The following SPON1 variants were observed in gnomAD, a reference collection of about 807,000 sequenced individuals.
The protein encoded by SPON1 is spondin 1, also known as spondin-1.
Under a neutral mutation model 111.7 loss-of-function variants are expected in SPON1, and 52 were observed. That is an observed-to-expected ratio of 0.47 (90% CI 0.37 to 0.59). The LOEUF is 0.59. SPON1 is among the 20% of genes least tolerant of loss of function. The pLI is 0.00. For synonymous variants in SPON1, 410 were observed against 395.8 expected (o/e 1.04, Z -0.43); for missense variants, 957 against 1,068.5 (o/e 0.90, Z 1.46).
chr11:14,230,192 A>T (rs1848783221), intron 6 of SPON1, among the ~76,000 whole-genome samples: 1 of 152,222 alleles, frequency 6.6e-6, no homozygotes, highest in Non-Finnish European at 1.5e-5. Flanking sequence ...TCCTTATTTG[A>T]TACTAATGTG....
At chr11:14,149,028 A>G (rs1392681773) in intron 6 of SPON1, among the ~76,000 whole-genome samples, 2 of 152,204 alleles carry the variant, frequency 1.3e-5, no homozygotes, top group Non-Finnish European at 2.9e-5. Flanking sequence ...ATTGCCTAGT[A>G]TTCACTATAC....
Position 14,176,157 on chromosome 11 carries a change from C to T in SPON1, c.825+40589C>T, listed in dbSNP as rs116007221. Among the ~76,000 whole-genome samples the T allele has an allele frequency of 3.2e-3, 480 of 152,100 alleles. 2 individuals are homozygous for T. The highest frequency in any genetic ancestry group is 0.01 in the African/African-American group (432 of 41,484). On this transcript the variant is annotated intron_variant, in intron 6 of 15. Coordinates refer to ENST00000576479, the MANE Select transcript of SPON1 (RefSeq NM_006108.4). The stretch of plus-strand genomic sequence containing the variant: ...TTAGGGTTCATTGAATGTGACCAGA[C>T]GAATAAGGAGGGTTCTCTGAGTTAG...
intron 2 of SPON1, among the ~76,000 whole-genome samples, chr11:14,012,908 T>C (rs1354091709): frequency 6.6e-6 from 1 of 152,188 alleles, no homozygotes; most frequent in Non-Finnish European, 1.5e-5. Context: ...TTTTCCTTCA[T>C]TATTAAATAT....
Position 14,229,950 on chromosome 11 carries a change from CCGT to C in SPON1, c.826-13381_826-13379del, listed in dbSNP as rs1848779353. On this transcript the variant is annotated intron_variant, in intron 6 of 15. Coordinates refer to ENST00000576479, the MANE Select transcript of SPON1 (RefSeq NM_006108.4). ...TGTGTCTGTCTGTCTGTCTGTGTGT[CCGT>C]GTGTGTGTGTGTGTGTGTGTGTGTG... 1.5e-4 allele frequency among the ~76,000 whole-genome samples: 14 copies of C among 94,506 alleles called. No homozygotes were observed. The Admixed American group carries it at 1.5e-3, about 10-fold the overall frequency. The allele number at this position is 94,506 out of a possible 152,430, so 62.0% of individuals were successfully genotyped here.
intron 5 of SPON1, among the ~76,000 whole-genome samples, chr11:14,080,632 C>T (rs1429503884): frequency 6.6e-6 from 1 of 152,178 alleles, no homozygotes; most frequent in African/African-American, 2.4e-5. Context: ...CTGCAATGAC[C>T]CTGTCCATGA....
chr11:14,240,073 T>C (rs1848909064), intron 6 of SPON1, among the ~76,000 whole-genome samples: 1 of 152,204 alleles, frequency 6.6e-6, no homozygotes. Flanking sequence ...GCATCATTTA[T>C]GAAAACAACT....
intron 6 of SPON1, among the ~76,000 whole-genome samples, chr11:14,164,498 G>C (rs1848004359): frequency 6.6e-6 from 1 of 152,146 alleles, no homozygotes; most frequent in Non-Finnish European, 1.5e-5. Context: ...CTTCTGGACT[G>C]TCCACCTACA....
intron 3 of SPON1, among the ~76,000 whole-genome samples, chr11:14,052,431 C>A (rs1016779778): frequency 5.9e-5 from 9 of 152,142 alleles, no homozygotes; most frequent in Admixed American, 5.9e-4. Context: ...GTTTTTCTGG[C>A]ATTAGGTAGC....
intron 1 of SPON1, among the ~76,000 whole-genome samples, chr11:13,963,909 G>C (rs1847995142): frequency 6.6e-6 from 1 of 152,218 alleles, no homozygotes; most frequent in African/African-American, 2.4e-5. Flanking sequence ...CGATGCCCGA[G>C]GCCTGCTCCC....
chr11:14,148,475 A>T (rs1355141360), intron 6 of SPON1, among the ~76,000 whole-genome samples: 3 of 54,118 alleles, frequency 5.5e-5, no homozygotes, highest in South Asian at 6.0e-4. Context: ...TAGTTGAAAT[A>T]AAAAAAAATA....
intron 6 of SPON1, among the ~76,000 whole-genome samples, chr11:14,242,797 C>T (rs190674099): frequency 6.6e-6 from 1 of 152,352 alleles, no homozygotes; most frequent in African/African-American, 2.4e-5. Flanking sequence ...ACCTGAGGGG[C>T]ACCACGGGTA....
Position 14,258,562 on chromosome 11 carries a change from G to A in SPON1, c.1492+664G>A, listed in dbSNP as rs369151625. 3.4e-4 allele frequency among the ~76,000 whole-genome samples: 52 copies of A among 152,316 alleles called. 2 individuals are homozygous for A. Among genetic ancestry groups the A allele is most frequent in the African/African-American group, 1.2e-3 (50 of 41,566 alleles). On this transcript the variant is annotated intron_variant, in intron 11 of 15. Coordinates refer to ENST00000576479, the MANE Select transcript of SPON1 (RefSeq NM_006108.4). ...CCCTGATCTTATAGGATGCCATAAG[G>A]CAATGGGAAGGCACTGTATAGGCTG...
rs114485818 is a variant in SPON1 at position 14,177,328 on chromosome 11, C to T, written c.825+41760C>T. Among the ~76,000 whole-genome samples, 804 of 152,220 alleles carry T rather than the reference C, an allele frequency of 5.3e-3. 9 individuals carry two copies. The highest frequency in any genetic ancestry group is 0.018 in the African/African-American group (764 of 41,552). On this transcript the variant is annotated intron_variant, in intron 6 of 15. Transcript: ENST00000576479. ...GTGCTGGGATTACGGTCATGAACCA[C>T]TGCAACCAGCCCAGAGTTTTTAAGG...
intron 6 of SPON1, among the ~76,000 whole-genome samples, chr11:14,189,361 A>G (rs1219684600): frequency 6.6e-6 from 1 of 152,236 alleles, no homozygotes; most frequent in East Asian, 1.9e-4. Flanking sequence ...ACTCTTCTGC[A>G]GGGCTTCCCT....
intron 6 of SPON1, among the ~76,000 whole-genome samples, chr11:14,169,331 C>A (rs779403542): frequency 6.6e-6 from 1 of 151,896 alleles, no homozygotes; most frequent in African/African-American, 2.4e-5. Context: ...TATCCTTCAC[C>A]CACTTTTTGA....
chr11:14,044,143 C>CCA (rs1848651690), intron 3 of SPON1, among the ~76,000 whole-genome samples: 1 of 80,014 alleles, frequency 1.2e-5, no homozygotes, highest in Non-Finnish European at 3.4e-5. Flanking sequence ...AGTCCATGTT[C>CCA]TGCCTTTCTT....
At chr11:14,201,759 T>TATG (rs1303058599) in intron 6 of SPON1, among the ~76,000 whole-genome samples, 3 of 152,202 alleles carry the variant, frequency 2.0e-5, no homozygotes, top group Non-Finnish European at 4.4e-5. Context: ...GTATTTAATG[T>TATG]ATGATGATGA....
chr11:14,090,577 T>TA (rs1554923172), intron 5 of SPON1, among the ~76,000 whole-genome samples: 1 of 152,078 alleles, frequency 6.6e-6, no homozygotes, highest in East Asian at 1.9e-4. Flanking sequence ...TGGTGAGTGT[T>TA]ACAGCTCTTA....
intron 5 of SPON1, among the ~76,000 whole-genome samples, chr11:14,095,084 A>C (rs771518730): frequency 6.6e-6 from 1 of 152,214 alleles, no homozygotes; most frequent in Non-Finnish European, 1.5e-5. Context: ...CAATATTATT[A>C]TCTCTCTCTT....
Sources: allele counts gnomAD v4.1 joint callset (sites outside exome capture counted in the v4.1 genomes callset), GRCh38; gene constraint gnomAD v4.1.1; transcripts MANE v1.5; gene names NCBI Gene and HGNC (gene_info 2026-07-23, HGNC 2026-07-21).